Variants in ANK2 observed in about 807,000 individuals in gnomAD.
ANK2 encodes ankyrin-2.
Under a neutral mutation model 360.5 loss-of-function variants are expected in ANK2, and 83 were observed. That is an observed-to-expected ratio of 0.23 (90% CI 0.19 to 0.28). ANK2 has a LOEUF of 0.28. Among genes scored for constraint, ANK2 ranks in the 10% least tolerant of loss-of-function variants. The pLI is 1.00. For synonymous variants in ANK2, 1,740 were observed against 1,759.5 expected (o/e 0.99, Z 0.28); for missense variants, 4,201 against 4,795.7 (o/e 0.88, Z 3.66).
At chr4:113,061,935 G>A (rs1470209142) in intron 1 of ANK2, among the ~76,000 whole-genome samples, 1 of 152,012 alleles carries the variant, frequency 6.6e-6, no homozygotes, top group East Asian at 1.9e-4. Context: ...ATTATGCATT[G>A]CATGCCTGTA....
At chr4:113,139,086 G>T (rs2096547096) in intron 1 of ANK2, among the ~76,000 whole-genome samples, 1 of 152,164 alleles carries the variant, frequency 6.6e-6, no homozygotes, top group Non-Finnish European at 1.5e-5. Flanking sequence ...CTCAAGCAGT[G>T]TGTCTAACTA....
chr4:113,099,636 A>C (rs979206327), intron 1 of ANK2, among the ~76,000 whole-genome samples: 1 of 152,048 alleles, frequency 6.6e-6, no homozygotes, highest in Non-Finnish European at 1.5e-5. Context: ...AACTGATTCT[A>C]AAGTTTATAT....
intron 20 of ANK2, among the ~76,000 whole-genome samples, chr4:113,291,760 C>A (rs138841375): frequency 3.3e-5 from 5 of 152,264 alleles, no homozygotes; most frequent in African/African-American, 1.2e-4. Flanking sequence ...TGTCTGGTAG[C>A]CATTGGCTGT....
chr4:113,187,874 A>G (rs1217982831), intron 2 of ANK2, among the ~76,000 whole-genome samples: 1 of 152,204 alleles, frequency 6.6e-6, no homozygotes, highest in Non-Finnish European at 1.5e-5. Context: ...ATCTCAAATT[A>G]TCCATTCATG....
intron 1 of ANK2, among the ~76,000 whole-genome samples, chr4:113,121,252 A>G (rs1274406412): frequency 6.6e-6 from 1 of 152,174 alleles, no homozygotes. Flanking sequence ...ATCACACACA[A>G]GTAGCATGTG....
intron 1 of ANK2, among the ~76,000 whole-genome samples, chr4:112,878,797 G>C (rs2075912251): frequency 1.3e-5 from 2 of 151,886 alleles, no homozygotes; most frequent in Admixed American, 6.6e-5. Flanking sequence ...ACCACGCCCG[G>C]CTAATTTTTT....
intron 1 of ANK2, chr4:113,141,355 C>G (rs1425649622): frequency 6.6e-6 from 1 of 152,202 alleles, no homozygotes; most frequent in Admixed American, 6.5e-5. Context: ...TGATTCCTAT[C>G]CTTTTTTTCC....
chr4:113,287,735 G>A (rs374325432), intron 19 of ANK2, 32 bp downstream of exon 19: 20 of 1,564,228 alleles, frequency 1.3e-5, no homozygotes, highest in Non-Finnish European at 1.7e-5. Context: ...ATTGTGACAG[G>A]TTCTGGCTGG....
intron 1 of ANK2, among the ~76,000 whole-genome samples, chr4:112,867,511 A>G (rs980438056): frequency 6.6e-6 from 1 of 151,836 alleles, no homozygotes; most frequent in African/African-American, 2.4e-5. Flanking sequence ...ATCTATTATG[A>G]TTTTCATCAT....
chr4:112,993,480 G>A (rs1025983109), intron 2 of ANK2, among the ~76,000 whole-genome samples: 2 of 148,272 alleles, frequency 1.3e-5, no homozygotes, highest in Non-Finnish European at 3.0e-5. Flanking sequence ...TTTTTTTTTT[G>A]TATTTTTGGT....
chr4:112,901,040 A>T (rs1451138600), intron 1 of ANK2, among the ~76,000 whole-genome samples: 1 of 152,186 alleles, frequency 6.6e-6, no homozygotes, highest in African/African-American at 2.4e-5. Context: ...AATTTTTGGT[A>T]CTTGGGAACA....
At chr4:113,182,252 C>T (rs548117789) in intron 2 of ANK2, among the ~76,000 whole-genome samples, 69 of 152,152 alleles carry the variant, frequency 4.5e-4, no homozygotes, top group Non-Finnish European at 8.1e-4. Context: ...GTGTGAGGAG[C>T]AGGTTTGAGG....
chr4:113,082,791 A>G (rs192738174), intron 1 of ANK2, among the ~76,000 whole-genome samples: 17 of 152,332 alleles, frequency 1.1e-4, no homozygotes, highest in African/African-American at 3.8e-4. Context: ...AATGCCTTCT[A>G]AAATGTGTTT....
At chr4:112,962,825 A>C (rs1422257970) in intron 2 of ANK2, among the ~76,000 whole-genome samples, 1 of 152,182 alleles carries the variant, frequency 6.6e-6, no homozygotes, top group African/African-American at 2.4e-5. Flanking sequence ...ACATGATTTC[A>C]TTAAACCTTA....
chr4:112,821,515 T>C (rs1560657181), intron 1 of ANK2, among the ~76,000 whole-genome samples: 1 of 151,672 alleles, frequency 6.6e-6, no homozygotes, highest in African/African-American at 2.4e-5. Flanking sequence ...TTTTTTATTT[T>C]TTTTTTGAGA....
chr4:113,200,222 T>G (rs1303719071), intron 4 of ANK2, among the ~76,000 whole-genome samples: 1 of 152,200 alleles, frequency 6.6e-6, no homozygotes, highest in Non-Finnish European at 1.5e-5. Context: ...CCTTATTAGA[T>G]GAAATTTTTA....
At chr4:112,807,727 A>T in the ANK2 span, among the ~76,000 whole-genome samples, 1 of 152,250 alleles carries the variant, frequency 6.6e-6, no homozygotes, top group Non-Finnish European at 1.5e-5. Context: ...CCTAGTTAAT[A>T]AAGAAATGCT....
the ANK2 span, among the ~76,000 whole-genome samples, chr4:112,710,480 G>C: frequency 1.3e-5 from 2 of 152,084 alleles, no homozygotes; most frequent in African/African-American, 4.8e-5. Context: ...CGGATTGCCC[G>C]AGGTCAGGAG....
chr4:113,290,562 G>A (rs1188328893), intron 20 of ANK2, among the ~76,000 whole-genome samples: 1 of 151,896 alleles, frequency 6.6e-6, no homozygotes, highest in Non-Finnish European at 1.5e-5. Context: ...TTGTGAAGAG[G>A]GTTTAGAACA....
Sources: allele counts gnomAD v4.1 joint callset (sites outside exome capture counted in the v4.1 genomes callset), GRCh38; gene constraint gnomAD v4.1.1; transcripts MANE v1.5; gene names NCBI Gene and HGNC (gene_info 2026-07-23, HGNC 2026-07-21).